The following MED27 variants were observed in gnomAD, a reference collection of about 807,000 sequenced individuals.
MED27 encodes mediator complex subunit 27, also known as mediator of RNA polymerase II transcription subunit 27.
In MED27, 30 loss-of-function variants were observed where a neutral mutation model predicts 38.2. The observed-to-expected ratio is 0.79, with a 90% CI of 0.59 to 1.07. The LOEUF is 1.07. MED27 is among the 50% of genes least tolerant of loss of function. The probability of loss-of-function intolerance (pLI) is 0.00; values close to 1 mark genes in which losing one functional copy is unlikely to be tolerated. For missense variants in MED27, 289 were observed against 397.5 expected (o/e 0.73, Z 2.32); for synonymous variants, 122 against 153.5 (o/e 0.79, Z 1.52).
intron 3 of MED27, among the ~76,000 whole-genome samples, chr9:131,981,198 C>G (rs1364173648): frequency 6.6e-6 from 1 of 152,202 alleles, no homozygotes; most frequent in Non-Finnish European, 1.5e-5. Context: ...AATTTCACAC[C>G]TTGTATAAAC....
At chr9:131,893,611 C>T (rs1839264123) in intron 5 of MED27, among the ~76,000 whole-genome samples, 2 of 152,142 alleles carry the variant, frequency 1.3e-5, no homozygotes, top group Admixed American at 1.3e-4. Flanking sequence ...CCTCAGAAGA[C>T]ACATTTAATG....
At chr9:131,886,054 T>TA (rs1839135134) in intron 5 of MED27, among the ~76,000 whole-genome samples, 1 of 152,214 alleles carries the variant, frequency 6.6e-6, no homozygotes. Flanking sequence ...AAAAGTCCTT[T>TA]AAGAAGACAG....
At chr9:132,079,601 G>A (rs755164803) in intron 1 of MED27, 41 bp downstream of exon 1, 7 of 1,599,336 alleles carry the variant, frequency 4.4e-6, no homozygotes, top group Non-Finnish European at 6.0e-6. Flanking sequence ...GGGTCGGAGC[G>A]GGGCCGGTCC....
At chr9:131,966,932 A>G (rs1201125771) in intron 3 of MED27, among the ~76,000 whole-genome samples, 1 of 152,230 alleles carries the variant, frequency 6.6e-6, no homozygotes, top group African/African-American at 2.4e-5. Context: ...CAGAGCTATG[A>G]CCATCTTCAC....
At chr9:131,911,183 T>C (rs557215195) in intron 4 of MED27, among the ~76,000 whole-genome samples, 3 of 152,210 alleles carry the variant, frequency 2.0e-5, no homozygotes, top group Non-Finnish European at 4.4e-5. Context: ...GATTTCCCCA[T>C]ATTAAGGATG....
rs566425619 is a variant in MED27, at chr9:131,963,615, G to A, written c.480-24141C>T. On this transcript the variant is annotated intron_variant, in intron 3 of 7. Coordinates refer to ENST00000292035, the MANE Select transcript of MED27 (RefSeq NM_004269.4). ...TCAGATCCTTCATGCCTATCTCTTC[G>A]AATGCCTACGCTTAATTTTTTCTAT... Among the ~76,000 whole-genome samples, 7 of 152,192 alleles carry A rather than the reference G, an allele frequency of 4.6e-5. No homozygotes were observed. The East Asian group carries it at 1.2e-3, about 25-fold the overall frequency.
At chr9:131,878,553 T>C (rs1838978578) in intron 6 of MED27, among the ~76,000 whole-genome samples, 1 of 152,142 alleles carries the variant, frequency 6.6e-6, no homozygotes, top group African/African-American at 2.4e-5. Context: ...TGGGTCCCTC[T>C]TGGCCTCTCT....
intron 3 of MED27, among the ~76,000 whole-genome samples, chr9:132,002,319 T>C (rs2131058931): frequency 6.6e-6 from 1 of 152,352 alleles, no homozygotes; most frequent in East Asian, 1.9e-4. Flanking sequence ...GTTTTTCATG[T>C]TATTATTAAG....
chr9:131,892,710 C>T (rs1839249080), intron 5 of MED27, among the ~76,000 whole-genome samples: 1 of 152,214 alleles, frequency 6.6e-6, no homozygotes. Context: ...TCAGTGCTGC[C>T]TCTCCTGCTG....
At chr9:131,992,775 C>T (rs1211145945) in intron 3 of MED27, among the ~76,000 whole-genome samples, 2 of 152,162 alleles carry the variant, frequency 1.3e-5, no homozygotes, top group African/African-American at 4.8e-5. Flanking sequence ...GCCCCATAAG[C>T]CTTCCTCCTT....
In MED27 at chr9:131,913,788, G is replaced by A. The variant is rs1034127116; in HGVS notation, c.574-19796C>T. 1.5e-4 allele frequency among the ~76,000 whole-genome samples: 23 copies of A among 152,144 alleles called. No homozygotes were observed. The highest frequency in any genetic ancestry group is 4.3e-4 in the African/African-American group (18 of 41,418). ...CGCTTTACCCCATCAATTCTGGGGCGAAACTGACACTTCTAACAAGCACCG... is the reference window on the plus strand; with the variant it reads ...CGCTTTACCCCATCAATTCTGGGGCAAAACTGACACTTCTAACAAGCACCG... On this transcript the variant is annotated intron_variant, in intron 4 of 7. Transcript: ENST00000292035. This position sits in a 1 kb window ranked among gnomAD's most constrained non-coding sequence, Gnocchi z 4.5.
chr9:132,033,113 T>G (rs999195621), intron 2 of MED27, among the ~76,000 whole-genome samples: 4 of 152,212 alleles, frequency 2.6e-5, no homozygotes, highest in African/African-American at 9.6e-5. Context: ...ATCACTCTAT[T>G]AAGAACGCCT....
intron 3 of MED27, among the ~76,000 whole-genome samples, chr9:132,010,578 C>G (rs1280142733): frequency 6.6e-6 from 1 of 152,168 alleles, no homozygotes; most frequent in Non-Finnish European, 1.5e-5. Context: ...AAGACACATG[C>G]AAACATATGT....
At chr9:131,994,555 G>A (rs1160672329) in intron 3 of MED27, among the ~76,000 whole-genome samples, 3 of 152,214 alleles carry the variant, frequency 2.0e-5, no homozygotes, top group Non-Finnish European at 2.9e-5. Context: ...AGACCTCTGC[G>A]AGCTCAATCA....
intron 3 of MED27, among the ~76,000 whole-genome samples, chr9:131,988,537 GAT>G (rs1831904444): frequency 4.6e-5 from 7 of 152,302 alleles, no homozygotes; most frequent in Admixed American, 3.9e-4. Flanking sequence ...ACTTCCTTAT[GAT>G]TTTCTTAGTA....
rs117226047 is a variant in MED27 at position 131,906,801 on chromosome 9, C to T, written c.574-12809G>A. Among the ~76,000 whole-genome samples, 1,277 of 152,300 alleles carry T rather than the reference C, an allele frequency of 8.4e-3. 8 individuals carry two copies. Among genetic ancestry groups the T allele is most frequent in the South Asian group, 0.016 (76 of 4,828 alleles). ...TAAAGGAAAAAAAGAATGGCTACTC[C>T]ATAGACAGGCTGCTCAACTGACTAT... On this transcript the variant is annotated intron_variant, in intron 4 of 7. Coordinates refer to ENST00000292035, the MANE Select transcript of MED27 (RefSeq NM_004269.4).
At chr9:132,022,721 G>C (rs900309718) in intron 2 of MED27, among the ~76,000 whole-genome samples, 1 of 152,144 alleles carries the variant, frequency 6.6e-6, no homozygotes. Flanking sequence ...TAATTGACTC[G>C]CAGTTCCACA....
intron 4 of MED27, among the ~76,000 whole-genome samples, chr9:131,908,199 C>T (rs754809082): frequency 1.5e-5 from 2 of 137,640 alleles, no homozygotes; most frequent in Admixed American, 1.4e-4. Flanking sequence ...GGCCGCCCTA[C>T]TGGGAAGTGA....
chr9:131,875,885 C>T (rs1014796208), intron 6 of MED27, among the ~76,000 whole-genome samples: 1 of 152,240 alleles, frequency 6.6e-6, no homozygotes, highest in African/African-American at 2.4e-5. Flanking sequence ...GCTGGGATTA[C>T]AGGCATGACC....
Sources: gnomAD v4.1 joint callset for allele counts (sites outside exome capture counted in the v4.1 genomes callset) on GRCh38, gnomAD v4.1.1 for gene constraint, Gnocchi (gnomAD v3.1) non-coding constraint, MANE v1.5 for transcripts, NCBI Gene and HGNC (gene_info 2026-07-23, HGNC 2026-07-21) for gene names.